Variants in CCSER1 observed in about 807,000 individuals in gnomAD.
CCSER1 encodes serine-rich coiled-coil domain-containing protein 1.
CCSER1 carries 41 observed loss-of-function variants against 82.0 expected under a neutral mutation model. The observed-to-expected ratio is 0.50, with a 90% CI of 0.39 to 0.65. The LOEUF (loss-of-function observed/expected upper bound fraction) is 0.65, where lower values mean the gene tolerates loss of function less well. Ranked by LOEUF, CCSER1 falls within the 30% of genes least tolerant of loss-of-function variation. CCSER1 has a pLI of 0.00. For missense variants in CCSER1, 1,119 were observed against 1,064.2 expected (o/e 1.05, Z -0.72); for synonymous variants, 414 against 383.9 (o/e 1.08, Z -0.92).
At chr4:90,587,975 A>G (rs1782218822) in intron 5 of CCSER1, among the ~76,000 whole-genome samples, 1 of 152,234 alleles carries the variant, frequency 6.6e-6, no homozygotes, top group African/African-American at 2.4e-5. Context: ...TTATGCTTAT[A>G]CTATACCACA....
chr4:91,064,903 T>A (rs1720642851), intron 9 of CCSER1, among the ~76,000 whole-genome samples: 3 of 152,192 alleles, frequency 2.0e-5, no homozygotes, highest in African/African-American at 7.2e-5. Context: ...GAGCACCAAG[T>A]ATCTTCTGTT....
At chr4:90,414,021 A>G (rs1323782755) in intron 4 of CCSER1, among the ~76,000 whole-genome samples, 14 of 134,474 alleles carry the variant, frequency 1.0e-4, no homozygotes, top group African/African-American at 3.9e-4. Context: ...TCTTCTTCCT[A>G]AAAGGAGCAG....
intron 3 of CCSER1, among the ~76,000 whole-genome samples, chr4:90,387,052 A>C (rs1172810280): frequency 6.6e-6 from 1 of 152,196 alleles, no homozygotes; most frequent in Non-Finnish European, 1.5e-5. Flanking sequence ...AGAGTTAATG[A>C]ATAAGGAATA....
At chr4:90,535,768 A>G (rs1347331320) in intron 5 of CCSER1, among the ~76,000 whole-genome samples, 2 of 152,156 alleles carry the variant, frequency 1.3e-5, no homozygotes, top group African/African-American at 4.8e-5. Context: ...ACATTGTAAA[A>G]TGATACAGGA....
intron 10 of CCSER1, among the ~76,000 whole-genome samples, chr4:91,108,345 C>G (rs1407776952): frequency 6.6e-6 from 1 of 152,076 alleles, no homozygotes; most frequent in Non-Finnish European, 1.5e-5. Context: ...TAGATAGTCA[C>G]AAATAGAACT....
chr4:90,521,218 G>A (rs1773083976), intron 5 of CCSER1, among the ~76,000 whole-genome samples: 1 of 152,042 alleles, frequency 6.6e-6, no homozygotes, highest in Admixed American at 6.6e-5. Context: ...GTATGCATAT[G>A]CCAATAACAG....
intron 10 of CCSER1, among the ~76,000 whole-genome samples, chr4:91,330,059 T>C (rs1228238732): frequency 6.6e-6 from 1 of 152,156 alleles, no homozygotes; most frequent in Non-Finnish European, 1.5e-5. Flanking sequence ...GAGTTTCTAC[T>C]TCATTAATTT....
chr4:90,298,175 G>A (rs931197900), intron 1 of CCSER1, among the ~76,000 whole-genome samples: 16 of 152,124 alleles, frequency 1.1e-4, no homozygotes, highest in African/African-American at 3.9e-4. Context: ...TTCAGCTCCT[G>A]TTATTGGTCT....
chr4:91,255,583 C>T (rs1740619242), intron 10 of CCSER1, among the ~76,000 whole-genome samples: 1 of 152,150 alleles, frequency 6.6e-6, no homozygotes, highest in African/African-American at 2.4e-5. Context: ...CAATACTACA[C>T]CAGAGTGTTG....
intron 1 of CCSER1, among the ~76,000 whole-genome samples, chr4:90,229,334 G>T (rs543682091): frequency 2.0e-5 from 3 of 152,210 alleles, no homozygotes; most frequent in East Asian, 3.9e-4. Flanking sequence ...TTAAAGAAAA[G>T]AATTTTCAAC....
chr4:91,381,641 T>C (rs1560627562), intron 10 of CCSER1, among the ~76,000 whole-genome samples: 2 of 152,178 alleles, frequency 1.3e-5, no homozygotes, highest in Admixed American at 6.5e-5. Flanking sequence ...AGTTAGCCAT[T>C]CGTCTAATCT....
intron 10 of CCSER1, among the ~76,000 whole-genome samples, chr4:91,363,352 ATATTT>A (rs1383116526): frequency 1.9e-4 from 7 of 36,368 alleles, no homozygotes; most frequent in African/African-American, 1.1e-3. Flanking sequence ...TAGGATGGAG[ATATTT>A]TGTGTGTGTG....
chr4:91,376,689 A>G lies in CCSER1; in HGVS notation c.2218-221883A>G, dbSNP rs528573501. ...TTTCCATTAATGGGCAAACATAAAA[A>G]TAATAATTGTATTTGATGTTGTGAA... On this transcript the variant is annotated intron_variant, in intron 10 of 10. Transcript: ENST00000509176. Among the ~76,000 whole-genome samples, 6 of 146,472 alleles carry G rather than the reference A, an allele frequency of 4.1e-5. No individual in the cohort carries two copies. In the South Asian group the frequency reaches 1.0e-3, roughly 25 times the overall value.
At chr4:90,470,012 ATTGGGATTTTCAGGT>A (rs1332529283) in intron 5 of CCSER1, among the ~76,000 whole-genome samples, 2 of 152,194 alleles carry the variant, frequency 1.3e-5, no homozygotes, top group East Asian at 3.8e-4. Context: ...ATTTTAGAAC[ATTGGGATTTTCAGGT>A]TTGGGATCTT....
chr4:91,572,492 G>A (rs865805903), intron 10 of CCSER1, among the ~76,000 whole-genome samples: 2 of 152,112 alleles, frequency 1.3e-5, no homozygotes, highest in African/African-American at 4.8e-5. Context: ...GATGACCAAA[G>A]GCTGGAACAG....
At chr4:91,459,197 A>C (rs1239023421) in intron 10 of CCSER1, among the ~76,000 whole-genome samples, 1 of 152,148 alleles carries the variant, frequency 6.6e-6, no homozygotes, top group Admixed American at 6.6e-5. Context: ...ATGAGCTGTT[A>C]GAATTGTATT....
At chr4:91,112,351 G>A (rs529033170) in intron 10 of CCSER1, among the ~76,000 whole-genome samples, 2 of 151,868 alleles carry the variant, frequency 1.3e-5, no homozygotes, top group African/African-American at 4.8e-5. Context: ...ACTGTGTTCT[G>A]ACGGTTCTTA....
At chr4:91,437,823 AT>A (rs1472865869) in intron 10 of CCSER1, among the ~76,000 whole-genome samples, 2 of 152,214 alleles carry the variant, frequency 1.3e-5, no homozygotes, top group African/African-American at 4.8e-5. Context: ...ACACCAGGAG[AT>A]TATATCTCGC....
chr4:90,899,527 C>T (rs1234288247), intron 8 of CCSER1, among the ~76,000 whole-genome samples: 4 of 151,894 alleles, frequency 2.6e-5, no homozygotes, highest in African/African-American at 9.7e-5. Context: ...TTGTCTTGTT[C>T]TAGGTCTTAG....
Sources: gnomAD v4.1 joint callset for allele counts (sites outside exome capture counted in the v4.1 genomes callset) on GRCh38, gnomAD v4.1.1 for gene constraint, MANE v1.5 for transcripts, NCBI Gene and HGNC (gene_info 2026-07-23, HGNC 2026-07-21) for gene names.